The following NDOR1 variants were observed in gnomAD, a reference collection of about 807,000 sequenced individuals.
NDOR1 encodes NADPH-dependent diflavin oxidoreductase 1.
In NDOR1, 61 loss-of-function variants were observed where a neutral mutation model predicts 67.2. The observed-to-expected ratio is 0.91, with a 90% CI of 0.74 to 1.12. NDOR1 has a LOEUF of 1.12. NDOR1 is among the 50% of genes most tolerant of loss of function. NDOR1 has a pLI of 0.00. For missense variants in NDOR1, 878 were observed against 802.8 expected, an observed-to-expected ratio of 1.09 and a Z score of -1.13; for synonymous variants, 378 against 343.7, an observed-to-expected ratio of 1.10 and a Z score of -1.10.
Position 137,218,378 on chromosome 9 carries a change from C to T in NDOR1, c.*1962C>T, listed in dbSNP as rs376803416. The T allele has an allele frequency of 3.3e-5, 13 of 398,494 alleles. No homozygotes were observed. Among genetic ancestry groups the T allele is most frequent in the Admixed American group, 1.3e-4 (3 of 22,704 alleles). The allele number at this position is 398,494 out of a possible 1,614,324, so 24.7% of individuals were successfully genotyped here. A position where few individuals can be genotyped will look rare whatever the true frequency, so the allele number is the denominator to read the frequency against. ...CTCCCTGGAGCACCGCTACCAGCTG[C>T]GCTTCCTGGCAGGGCCCGTGGGCGG... is the stretch of plus-strand genomic sequence containing the variant. On this transcript the variant is annotated 3_prime_UTR_variant, in exon 14 of 14. Coordinates refer to ENST00000684003, the MANE Select transcript of NDOR1 (RefSeq NM_014434.4).
At position 137,218,694 on chromosome 9, in the gene NDOR1, G is replaced by A. The variant is rs1308927734; in HGVS notation, c.*2278G>A. The A allele has an allele frequency of 2.8e-5, 11 of 397,912 alleles. No homozygotes were observed. Among genetic ancestry groups the A allele is most frequent in the Non-Finnish European group, 4.0e-5 (9 of 225,804 alleles). 24.6% of individuals were successfully genotyped at this position (397,912 alleles called of 1,614,324 possible). A position where few individuals can be genotyped will look rare whatever the true frequency, so the allele number is the denominator to read the frequency against. On this transcript the variant is annotated 3_prime_UTR_variant, in exon 14 of 14. Transcript: ENST00000684003. ...TGGGTGCTGTGAGGCCTGATGACCAGGCTGGAAAAACCCAAGGTTGGGTCC... is the reference window on the plus strand; with the variant it reads ...TGGGTGCTGTGAGGCCTGATGACCAAGCTGGAAAAACCCAAGGTTGGGTCC...
At position 137,216,439 on chromosome 9, in the gene NDOR1, C is replaced by T. The variant is rs1835610775; in HGVS notation, c.*23C>T. 6.3e-7 allele frequency: 1 copy of T among 1,585,124 alleles called. No homozygotes were observed. Among genetic ancestry groups the T allele is most frequent in the Non-Finnish European group, 8.6e-7 (1 of 1,168,852 alleles). ...TGAGGCCCGCGGCTGCCCGTGCCCC[C>T]TCTGACAGCCATCCTCCTGGGAGCC... On this transcript the variant is annotated 3_prime_UTR_variant, in exon 14 of 14. Coordinates refer to ENST00000684003, the MANE Select transcript of NDOR1 (RefSeq NM_014434.4).
At chr9:137,210,274 T>G (rs964131442) in intron 2 of NDOR1, among the ~76,000 whole-genome samples, 3 of 152,194 alleles carry the variant, frequency 2.0e-5, no homozygotes, top group Non-Finnish European at 4.4e-5. Context: ...CAGGCTGGAG[T>G]GCAGTGGCAG....
Position 137,212,439 on chromosome 9 carries a change from C to A in NDOR1, c.214-63C>A. 1.4e-6 allele frequency: 2 copies of A among 1,442,398 alleles called. No individual in the cohort carries two copies. Among genetic ancestry groups the A allele is most frequent in the Non-Finnish European group, 2.0e-6 (2 of 1,024,556 alleles). 89.3% of individuals were successfully genotyped at this position (1,442,398 alleles called of 1,614,324 possible). A position where few individuals can be genotyped will look rare whatever the true frequency, so the allele number is the denominator to read the frequency against. ...CTGTTCCCCTGAGACCCTCCCCTCACCCCCTGCTGTGGGGCTAGCCTAGAG... is the reference window on the plus strand; with the variant it reads ...CTGTTCCCCTGAGACCCTCCCCTCAACCCCTGCTGTGGGGCTAGCCTAGAG... On this transcript the variant is annotated intron_variant, in intron 2 of 13. Transcript: ENST00000684003. The surrounding 1 kb of genome is among the most constrained non-coding windows in gnomAD (Gnocchi z 4.3).
In NDOR1 at chr9:137,216,354, G is replaced by A. The variant is rs147972002; in HGVS notation, c.1732G>A (p.Ala578Thr). 109 of 1,609,370 alleles carry A rather than the reference G, an allele frequency of 6.8e-5. No individual in the cohort carries two copies. The highest frequency in any genetic ancestry group is 1.0e-4 in the Admixed American group (6 of 60,022). Residue 578 changes from alanine (A) to threonine (T), a missense_variant, in exon 14 of 14, where the codon GCA (alanine) becomes ACA (threonine). Transcript: ENST00000684003. ...QEEGGLCSPD[A>T]AAYLARLQQT... ...GGAGGGTGGACTCTGCAGCCCGGAC[G>A]CAGCCGCGTATCTAGCCAGGCTCCA...
intron 2 of NDOR1, among the ~76,000 whole-genome samples, chr9:137,210,530 A>G (rs1355474062): frequency 6.6e-6 from 1 of 151,950 alleles, no homozygotes; most frequent in Non-Finnish European, 1.5e-5. Flanking sequence ...CTTTAAATGG[A>G]CATGAAAAAA....
Position 137,213,878 on chromosome 9 carries a change from G to A in NDOR1, c.410G>A (p.Gly137Glu). 6.2e-7 allele frequency: 1 copy of A among 1,609,508 alleles called. No individual in the cohort carries two copies. The highest frequency in any genetic ancestry group is 8.5e-7 in the Non-Finnish European group (1 of 1,178,396). The change falls in exon 4 of 14, where the codon GGG becomes GAG. Residue 137 changes from glycine to glutamate, a missense_variant and splice_region_variant. Gly to Glu is a moderately conservative substitution (Grantham distance 98). Coordinates refer to ENST00000684003, the MANE Select transcript of NDOR1 (RefSeq NM_014434.4). Reference sequence around the variant, plus strand: ...CTGGGCGATGACCAGCATGAGCTGGGGTGAGTCTGCGGGCGTGGTACCCGC... The same window carrying A: ...CTGGGCGATGACCAGCATGAGCTGGAGTGAGTCTGCGGGCGTGGTACCCGC... ...VCLGDDQHEL[G>E]PDAAVDPWLR... is the part of the protein sequence containing the mutation.
Position 137,215,076 on chromosome 9 carries a change from T to C in NDOR1, c.1066-19T>C. Reference sequence around the variant, plus strand: ...AGCTACAGCCACGCTGCAGCCACCCTGAGACTCTCTTTGCCTAGGTGCTCT... The same window carrying C: ...AGCTACAGCCACGCTGCAGCCACCCCGAGACTCTCTTTGCCTAGGTGCTCT... On this transcript the variant is annotated intron_variant, in intron 8 of 13. Coordinates refer to ENST00000684003, the MANE Select transcript of NDOR1 (RefSeq NM_014434.4). 1 of 1,612,888 alleles carries C rather than the reference T, an allele frequency of 6.2e-7. No individual in the cohort carries two copies. The highest frequency in any genetic ancestry group is 1.3e-5 in the African/African-American group (1 of 75,030).
At position 137,205,733 on chromosome 9, in the gene NDOR1, G is replaced by C. The variant is rs779892086; in HGVS notation, c.-45G>C. On this transcript the variant is annotated 5_prime_UTR_variant, in exon 1 of 14. Coordinates refer to ENST00000684003, the MANE Select transcript of NDOR1 (RefSeq NM_014434.4). ...CCCTGCAACCCGGCCGGCGGGAACT[G>C]CCTTCTAGTTTTTAGTCTCAGACCA... 3 of 1,598,736 alleles carry C rather than the reference G, an allele frequency of 1.9e-6. No homozygotes were observed. The highest frequency in any genetic ancestry group is 8.5e-7 in the Non-Finnish European group (1 of 1,179,242).
intron 2 of NDOR1, among the ~76,000 whole-genome samples, chr9:137,206,699 A>AT (rs912282760): frequency 3.3e-5 from 5 of 152,136 alleles, no homozygotes; most frequent in African/African-American, 1.2e-4. Flanking sequence ...CAGCAGCCAT[A>AT]TTTCCATCCT....
At chr9:137,206,031 G>C (rs1043444996) in intron 1 of NDOR1, 119 bp downstream of exon 1, 1 of 1,482,556 alleles carries the variant, frequency 6.7e-7, no homozygotes, top group Non-Finnish European at 9.0e-7. Flanking sequence ...CCCTTATGGC[G>C]GATTTAGGGA....
In NDOR1 at chr9:137,205,775, C is replaced by G. The variant is rs764795091; in HGVS notation, c.-3C>G. Reference sequence around the variant, plus strand: ...CTCAGACCAGACCACCGGGCGCACCCCGATGCCGAGCCCGCAGCTTCTGGT... The same window carrying G: ...CTCAGACCAGACCACCGGGCGCACCGCGATGCCGAGCCCGCAGCTTCTGGT... On this transcript the variant is annotated 5_prime_UTR_variant, in exon 1 of 14. Coordinates refer to ENST00000684003, the MANE Select transcript of NDOR1 (RefSeq NM_014434.4). 1 of 1,603,478 alleles carries G rather than the reference C, an allele frequency of 6.2e-7. No individual in the cohort carries two copies. Among genetic ancestry groups the G allele is most frequent in the South Asian group, 1.1e-5 (1 of 91,088 alleles).
Position 137,218,415 on chromosome 9 carries a change from T to G in NDOR1, c.*1999T>G. ...GGGCCCGTGGGCGGCCGGGGCTGCC[T>G]GCCCTTCCTGCCCTGTCCACCCTGC... On this transcript the variant is annotated 3_prime_UTR_variant, in exon 14 of 14. Coordinates refer to ENST00000684003, the MANE Select transcript of NDOR1 (RefSeq NM_014434.4). 1 of 398,210 alleles carries G rather than the reference T, an allele frequency of 2.5e-6. No individual in the cohort carries two copies. Among genetic ancestry groups the G allele is most frequent in the Non-Finnish European group, 4.4e-6 (1 of 225,972 alleles). The allele number at this position is 398,210 out of a possible 1,614,324, so 24.7% of individuals were successfully genotyped here.
At position 137,212,882 on chromosome 9, in the gene NDOR1, G is replaced by C; in HGVS notation, c.311+283G>C. ...CCGGTCCCCACTTTTACAAAAAGGCGTGCTGTGAAGTGTTGACGACTTTGA... is the reference window on the plus strand; with the variant it reads ...CCGGTCCCCACTTTTACAAAAAGGCCTGCTGTGAAGTGTTGACGACTTTGA... On this transcript the variant is annotated intron_variant, in intron 3 of 13. Coordinates refer to ENST00000684003, the MANE Select transcript of NDOR1 (RefSeq NM_014434.4). This position sits in a 1 kb window ranked among gnomAD's most constrained non-coding sequence, Gnocchi z 4.3. 1 of 459,292 alleles carries C rather than the reference G, an allele frequency of 2.2e-6. No individual in the cohort carries two copies. Among genetic ancestry groups the C allele is most frequent in the Non-Finnish European group, 4.0e-6 (1 of 250,082 alleles). The allele number at this position is 459,292 out of a possible 1,614,324, so 28.5% of individuals were successfully genotyped here.
intron 2 of NDOR1, among the ~76,000 whole-genome samples, chr9:137,208,324 A>G (rs1313131808): frequency 1.5e-5 from 2 of 136,624 alleles, no homozygotes; most frequent in Admixed American, 7.3e-5. Context: ...GGTGGCGGGC[A>G]CCTGTAGTCC....
In NDOR1 at chr9:137,216,687, CAAG is replaced by C. The variant is rs1835624505; in HGVS notation, c.*272_*274del. 1 of 517,956 alleles carries C rather than the reference CAAG, an allele frequency of 1.9e-6. No individual in the cohort carries two copies. The highest frequency in any genetic ancestry group is 1.9e-5 in the African/African-American group (1 of 52,094). 32.1% of individuals were successfully genotyped at this position (517,956 alleles called of 1,614,324 possible). ...CTCGTCCCCCCACCCCCTTCCCAGT[CAAG>C]GTGGTGGCCTGGGCCGCTCCACCTC... is the stretch of plus-strand genomic sequence containing the variant. On this transcript the variant is annotated 3_prime_UTR_variant, in exon 14 of 14. Transcript: ENST00000684003.
Position 137,218,202 on chromosome 9 carries a change from G to T in NDOR1, c.*1786G>T. On this transcript the variant is annotated 3_prime_UTR_variant, in exon 14 of 14. Coordinates refer to ENST00000684003, the MANE Select transcript of NDOR1 (RefSeq NM_014434.4). Reference sequence around the variant, plus strand: ...TCGGCCTCCAGTGCCGACCTGGGCCGGGTGCGCTGCCCGCTGTGCCGCCAG... The same window carrying T: ...TCGGCCTCCAGTGCCGACCTGGGCCTGGTGCGCTGCCCGCTGTGCCGCCAG... 2.5e-6 allele frequency: 1 copy of T among 398,452 alleles called. No individual in the cohort carries two copies. The highest frequency in any genetic ancestry group is 4.4e-6 in the Non-Finnish European group (1 of 225,968). 24.7% of individuals were successfully genotyped at this position (398,452 alleles called of 1,614,324 possible). A position where few individuals can be genotyped will look rare whatever the true frequency, so the allele number is the denominator to read the frequency against.
intron 2 of NDOR1, among the ~76,000 whole-genome samples, chr9:137,210,471 A>G (rs2131368303): frequency 6.6e-6 from 1 of 152,074 alleles, no homozygotes; most frequent in East Asian, 1.9e-4. Flanking sequence ...CATCCTCCCA[A>G]AGTGCTAGGT....
Position 137,214,431 on chromosome 9 carries a change from C to T in NDOR1, c.722+18C>T. 1 of 1,608,928 alleles carries T rather than the reference C, an allele frequency of 6.2e-7. No homozygotes were observed. ...GGCATCAGGTGGGGACTGCTGGGGA[C>T]CGAGGAGGGCAAGGTGAGGTGGGCC... is the stretch of plus-strand genomic sequence containing the variant. On this transcript the variant is annotated intron_variant, in intron 6 of 13. Transcript: ENST00000684003.
Sources: allele counts gnomAD v4.1 joint callset (sites outside exome capture counted in the v4.1 genomes callset), GRCh38; gene constraint gnomAD v4.1.1; non-coding constraint Gnocchi (gnomAD v3.1); transcripts MANE v1.5; gene names NCBI Gene and HGNC (gene_info 2026-07-23, HGNC 2026-07-21).